Variants in CSMD1 observed in about 807,000 individuals in gnomAD.
CSMD1 encodes CUB and sushi domain-containing protein 1.
In CSMD1, 213 loss-of-function variants were observed where a neutral mutation model predicts 417.5. The ratio of observed to expected loss-of-function variants is 0.51; its 90% CI spans 0.46 to 0.57. The LOEUF (loss-of-function observed/expected upper bound fraction) is 0.57, where lower values mean the gene tolerates loss of function less well. Ranked by LOEUF, CSMD1 falls within the 20% of genes least tolerant of loss-of-function variation. The pLI, the probability that CSMD1 is intolerant of heterozygous loss-of-function variation, is 0.00. For synonymous variants in CSMD1, 2,862 were observed against 1,736.8 expected (o/e 1.65, Z -16.11); for missense variants, 6,923 against 4,529.7 (o/e 1.53, Z -15.17).
intron 4 of CSMD1, among the ~76,000 whole-genome samples, chr8:3,998,936 A>G (rs916662116): frequency 2.0e-5 from 3 of 148,958 alleles, no homozygotes; most frequent in Non-Finnish European, 3.0e-5. Context: ...ATAGTAGTTT[A>G]TATATAAATA....
rs550783521 is a variant in CSMD1 at position 4,808,730 on chromosome 8, G to A, written c.86-171172C>T. Reference sequence around the variant, plus strand: ...TTGAACACGCCCACTCAGAAAGTTTGCCTAATGGGAGAACATTAAAACATA... The same window carrying A: ...TTGAACACGCCCACTCAGAAAGTTTACCTAATGGGAGAACATTAAAACATA... On this transcript the variant is annotated intron_variant, in intron 1 of 69. Coordinates refer to ENST00000635120, the MANE Select transcript of CSMD1 (RefSeq NM_033225.6). Among the ~76,000 whole-genome samples the A allele has an allele frequency of 9.9e-5, 15 of 152,242 alleles. No homozygotes were observed. The South Asian group carries it at 2.1e-3, about 21-fold the overall frequency.
chr8:4,680,633 G>A (rs1452639033), intron 1 of CSMD1, among the ~76,000 whole-genome samples: 1 of 152,120 alleles, frequency 6.6e-6, no homozygotes, highest in Non-Finnish European at 1.5e-5. Flanking sequence ...AGGCTGGAGT[G>A]CAGTGGCATG....
chr8:4,606,846 T>C (rs1299495038), intron 2 of CSMD1, among the ~76,000 whole-genome samples: 5 of 152,226 alleles, frequency 3.3e-5, no homozygotes, highest in Non-Finnish European at 7.3e-5. Flanking sequence ...TAATATGACA[T>C]TTTAATTAAA....
chr8:3,299,568 A>AAAAGC (rs371590148), intron 25 of CSMD1, among the ~76,000 whole-genome samples: 8 of 8,786 alleles, frequency 9.1e-4, no homozygotes, highest in Admixed American at 5.8e-3. Flanking sequence ...TCTGGCAGAT[A>AAAAGC]AAAGCACGCC....
intron 50 of CSMD1, among the ~76,000 whole-genome samples, chr8:3,029,873 C>T (rs79228162): frequency 0.017 from 2,590 of 152,076 alleles, 39 homozygotes; most frequent in East Asian, 0.038. Flanking sequence ...CCTCAATATC[C>T]TTGGAGGAAC....
chr8:3,905,432 C>T (rs1563197183), intron 5 of CSMD1, among the ~76,000 whole-genome samples: 1 of 152,178 alleles, frequency 6.6e-6, no homozygotes, highest in South Asian at 2.1e-4. Context: ...GGCGTCAAGT[C>T]ACTGTGCAAT....
chr8:4,504,910 C>T (rs1279574692), intron 2 of CSMD1, among the ~76,000 whole-genome samples: 1 of 152,120 alleles, frequency 6.6e-6, no homozygotes, highest in Non-Finnish European at 1.5e-5. Flanking sequence ...GGTTCCAAGT[C>T]TTTGTTATTG....
chr8:4,979,854 A>C (rs1188917371), intron 1 of CSMD1, among the ~76,000 whole-genome samples: 1 of 151,986 alleles, frequency 6.6e-6, no homozygotes, highest in Non-Finnish European at 1.5e-5. Flanking sequence ...TGGCTAACAC[A>C]TTGAAACCCC....
intron 2 of CSMD1, among the ~76,000 whole-genome samples, chr8:4,575,900 T>C (rs1799113180): frequency 6.6e-6 from 1 of 152,196 alleles, no homozygotes; most frequent in South Asian, 2.1e-4. Context: ...GTGTTACAGC[T>C]GTTGTGATCG....
chr8:3,427,527 A>G (rs1291791287), intron 12 of CSMD1, among the ~76,000 whole-genome samples: 2 of 152,214 alleles, frequency 1.3e-5, no homozygotes, highest in African/African-American at 4.8e-5. Context: ...TGAAGTAAAA[A>G]GAACCTTCTT....
rs560385349 is a variant in CSMD1, at chr8:4,791,483, A to G, written c.86-153925T>C. On this transcript the variant is annotated intron_variant, in intron 1 of 69. Coordinates refer to ENST00000635120, the MANE Select transcript of CSMD1 (RefSeq NM_033225.6). ...GAAAAGTGAACCTAATTTTCTCACC[A>G]CAGCGCTCAAGGAGTAACAAACAAT... Among the ~76,000 whole-genome samples, 8 of 152,316 alleles carry G rather than the reference A, an allele frequency of 5.3e-5. No individual in the cohort carries two copies. In the South Asian group the frequency reaches 1.7e-3, roughly 32 times the overall value.
intron 1 of CSMD1, among the ~76,000 whole-genome samples, chr8:4,853,812 T>A (rs1801627701): frequency 6.6e-6 from 1 of 152,212 alleles, no homozygotes; most frequent in Non-Finnish European, 1.5e-5. Flanking sequence ...ACAGTGGACC[T>A]GACCAAAGCC....
At chr8:3,677,578 A>G (rs565911948) in intron 7 of CSMD1, among the ~76,000 whole-genome samples, 5 of 152,250 alleles carry the variant, frequency 3.3e-5, no homozygotes, top group African/African-American at 1.2e-4. Context: ...GATGTCTTAG[A>G]TTCACGAAAG....
intron 1 of CSMD1, among the ~76,000 whole-genome samples, chr8:4,735,719 A>T (rs1363389313): frequency 6.6e-6 from 1 of 152,098 alleles, no homozygotes; most frequent in Non-Finnish European, 1.5e-5. Flanking sequence ...TTATCTCCCT[A>T]ATATCTCCCT....
At chr8:3,429,048 C>A (rs1563379612) in intron 12 of CSMD1, among the ~76,000 whole-genome samples, 1 of 152,070 alleles carries the variant, frequency 6.6e-6, no homozygotes, top group South Asian at 2.1e-4. Context: ...GGCAGGAGGA[C>A]AGGAATGGGG....
At chr8:4,175,936 CTGTCG>C (rs1798013897) in intron 3 of CSMD1, among the ~76,000 whole-genome samples, 1 of 152,094 alleles carries the variant, frequency 6.6e-6, no homozygotes, top group African/African-American at 2.4e-5. Context: ...TGTGCAGGTG[CTGTCG>C]ACATTGGTGG....
At chr8:3,837,088 G>A (rs898716989) in intron 5 of CSMD1, among the ~76,000 whole-genome samples, 1 of 151,052 alleles carries the variant, frequency 6.6e-6, no homozygotes, top group Non-Finnish European at 1.5e-5. Flanking sequence ...TAGGAAGAAC[G>A]CTACCATTGA....
intron 3 of CSMD1, among the ~76,000 whole-genome samples, chr8:4,324,183 T>A (rs995326829): frequency 6.6e-6 from 1 of 152,240 alleles, no homozygotes; most frequent in Non-Finnish European, 1.5e-5. Context: ...ATAAAAAATA[T>A]AGAACAAAGT....
At chr8:4,360,328 T>A (rs1442873273) in intron 3 of CSMD1, among the ~76,000 whole-genome samples, 1 of 152,174 alleles carries the variant, frequency 6.6e-6, no homozygotes, top group East Asian at 1.9e-4. Context: ...GAAGTGCAAA[T>A]CCTCCTCTTA....
Sources: allele counts gnomAD v4.1 joint callset (sites outside exome capture counted in the v4.1 genomes callset), GRCh38; gene constraint gnomAD v4.1.1; transcripts MANE v1.5; gene names NCBI Gene and HGNC (gene_info 2026-07-23, HGNC 2026-07-21).